The following SLC24A3 variants were observed in gnomAD, a reference collection of about 807,000 sequenced individuals.
SLC24A3 encodes solute carrier family 24 member 3.
A neutral mutation model predicts 75.8 loss-of-function variants in SLC24A3; 28 were observed. The ratio of observed to expected loss-of-function variants is 0.37; its 90% CI spans 0.27 to 0.51. The LOEUF (loss-of-function observed/expected upper bound fraction) is 0.51. SLC24A3 is among the 20% of genes least tolerant of loss of function. The pLI is 0.94. For synonymous variants in SLC24A3, 372 were observed against 334.1 expected (o/e 1.11, Z -1.24); for missense variants, 663 against 847.8 (o/e 0.78, Z 2.71).
intron 15 of SLC24A3, among the ~76,000 whole-genome samples, chr20:19,711,934 G>C (rs1005987794): frequency 1.3e-5 from 2 of 151,482 alleles, no homozygotes; most frequent in Non-Finnish European, 2.9e-5. Context: ...TACCGCGCCT[G>C]GCCGCAGATG....
chr20:19,580,841 C>T (rs1023543809), intron 4 of SLC24A3, among the ~76,000 whole-genome samples: 2 of 152,230 alleles, frequency 1.3e-5, no homozygotes, highest in African/African-American at 4.8e-5. Flanking sequence ...CTGTCGAGAA[C>T]TCGGTTTCTT....
intron 1 of SLC24A3, among the ~76,000 whole-genome samples, chr20:19,265,225 C>T (rs1183243191): frequency 1.3e-5 from 2 of 152,228 alleles, no homozygotes; most frequent in Non-Finnish European, 2.9e-5. Context: ...AACTGTCTTG[C>T]TCCACCATCA....
intron 4 of SLC24A3, 124 bp from the exon 5 acceptor site, chr20:19,584,847 C>T (rs930619481): frequency 3.3e-5 from 25 of 758,814 alleles, no homozygotes; most frequent in Admixed American, 2.3e-4. Flanking sequence ...CAGGTCCCAT[C>T]GGTCCTACTC....
At chr20:19,302,271 C>T (rs970098948) in intron 2 of SLC24A3, among the ~76,000 whole-genome samples, 11 of 152,166 alleles carry the variant, frequency 7.2e-5, no homozygotes, top group Admixed American at 7.2e-4. Flanking sequence ...ACTAGTAGAT[C>T]GCCAAGCTGT....
At chr20:19,673,189 A>G (rs970650061) in intron 8 of SLC24A3, among the ~76,000 whole-genome samples, 1 of 152,098 alleles carries the variant, frequency 6.6e-6, no homozygotes, top group African/African-American at 2.4e-5. Flanking sequence ...CCTGGCTCCT[A>G]TATATACAGC....
rs1284282895 is a variant in SLC24A3, at chr20:19,684,208, G to A, written c.934G>A (p.Val312Ile). 6.2e-7 allele frequency: 1 copy of A among 1,614,136 alleles called. No homozygotes were observed. Among genetic ancestry groups the A allele is most frequent in the African/African-American group, 1.3e-5 (1 of 75,020 alleles). ...CCACCGCAAAGCATCAGTGATCATGGTAGACGAGCTGCTGTCAGCCTACCC... is the reference window on the plus strand; with the variant it reads ...CCACCGCAAAGCATCAGTGATCATGATAGACGAGCTGCTGTCAGCCTACCC... ...NFHRKASVIM[V>I]DELLSAYPHQ... The change falls in exon 11 of 17, where the codon GTA (valine) becomes ATA (isoleucine). Residue 312 changes from valine (V) to isoleucine (I), a missense_variant. Coordinates refer to ENST00000328041, the MANE Select transcript of SLC24A3 (RefSeq NM_020689.4).
At chr20:19,380,425 C>A (rs1986161026) in intron 2 of SLC24A3, among the ~76,000 whole-genome samples, 2 of 152,202 alleles carry the variant, frequency 1.3e-5, no homozygotes, top group Admixed American at 1.3e-4. Context: ...CAGGAGGCTG[C>A]TGCAGTGCTT....
intron 3 of SLC24A3, among the ~76,000 whole-genome samples, chr20:19,571,490 G>T (rs2031051716): frequency 6.6e-6 from 1 of 152,124 alleles, no homozygotes; most frequent in Non-Finnish European, 1.5e-5. Context: ...AACAAAGGGG[G>T]GAAAGTAGAA....
chr20:19,363,335 C>G (rs1164791307), intron 2 of SLC24A3, among the ~76,000 whole-genome samples: 1 of 152,270 alleles, frequency 6.6e-6, no homozygotes, highest in African/African-American at 2.4e-5. Flanking sequence ...CCAGACCATT[C>G]TCCCAGGACA....
chr20:19,537,468 G>A (rs957602345), intron 3 of SLC24A3, among the ~76,000 whole-genome samples: 12 of 152,192 alleles, frequency 7.9e-5, no homozygotes, highest in African/African-American at 2.9e-4. Flanking sequence ...AGTCAGTGTG[G>A]CGATTCCTCA....
At chr20:19,599,501 G>A (rs898488413) in intron 6 of SLC24A3, among the ~76,000 whole-genome samples, 2 of 152,184 alleles carry the variant, frequency 1.3e-5, no homozygotes, top group Non-Finnish European at 2.9e-5. Context: ...AGACCCTCCC[G>A]CGCATCTGTA....
At chr20:19,641,474 C>G (rs1018012078) in intron 6 of SLC24A3, among the ~76,000 whole-genome samples, 6 of 152,152 alleles carry the variant, frequency 3.9e-5, no homozygotes, top group African/African-American at 1.4e-4. Flanking sequence ...AGCAGCGCTG[C>G]TGGTGTGTGG....
intron 3 of SLC24A3, among the ~76,000 whole-genome samples, chr20:19,541,277 C>A (rs763908288): frequency 6.6e-6 from 1 of 152,184 alleles, no homozygotes; most frequent in Admixed American, 6.5e-5. Flanking sequence ...AGCGGGGAGA[C>A]GTCTCTGGAA....
chr20:19,487,123 G>A (rs751923208), intron 2 of SLC24A3, among the ~76,000 whole-genome samples: 3 of 152,188 alleles, frequency 2.0e-5, no homozygotes, highest in Non-Finnish European at 4.4e-5. Context: ...GGTGAATGTG[G>A]AGTGTCAGCT....
chr20:19,444,193 A>G (rs914473493), intron 2 of SLC24A3, among the ~76,000 whole-genome samples: 1 of 152,202 alleles, frequency 6.6e-6, no homozygotes, highest in African/African-American at 2.4e-5. Context: ...TCACCTGGTC[A>G]TGGCGTATAA....
intron 2 of SLC24A3, among the ~76,000 whole-genome samples, chr20:19,288,494 G>T (rs975280340): frequency 1.3e-5 from 2 of 152,274 alleles, no homozygotes; most frequent in Non-Finnish European, 2.9e-5. Context: ...CACAGGTAAA[G>T]GATGATAAAA....
At chr20:19,710,230 G>A (rs1334940734) in intron 15 of SLC24A3, among the ~76,000 whole-genome samples, 2 of 152,226 alleles carry the variant, frequency 1.3e-5, no homozygotes, top group African/African-American at 2.4e-5. Context: ...AAACTAGAGA[G>A]AGATTTTAAA....
intron 2 of SLC24A3, among the ~76,000 whole-genome samples, chr20:19,448,258 A>G (rs1987419722): frequency 6.6e-6 from 1 of 152,260 alleles, no homozygotes; most frequent in Non-Finnish European, 1.5e-5. Context: ...CATTACTAAG[A>G]ACATTGTTGA....
intron 3 of SLC24A3, among the ~76,000 whole-genome samples, chr20:19,523,017 G>A (rs1439664191): frequency 2.0e-5 from 3 of 152,050 alleles, no homozygotes; most frequent in East Asian, 1.9e-4. Context: ...TACTAATGAC[G>A]TGGTCTTGTA....
Sources: gnomAD v4.1 joint callset for allele counts (sites outside exome capture counted in the v4.1 genomes callset) on GRCh38, gnomAD v4.1.1 for gene constraint, MANE v1.5 for transcripts, NCBI Gene and HGNC (gene_info 2026-07-23, HGNC 2026-07-21) for gene names.